RAD51AP1: variants seen among roughly 807,000 people sequenced by gnomAD.
RAD51AP1 encodes the protein RAD51-associated protein 1.
RAD51AP1 carries 14 observed loss-of-function variants against 34.3 expected under a neutral mutation model. The observed-to-expected ratio is 0.41, with a 90% confidence interval of 0.27 to 0.64. The LOEUF is 0.64. RAD51AP1 is among the 30% of genes least tolerant of loss of function. RAD51AP1 has a pLI of 0.33. For missense variants in RAD51AP1, 348 were observed against 386.9 expected (o/e 0.90, Z 0.84); for synonymous variants, 114 against 129.8 (o/e 0.88, Z 0.83).
rs549994513 is a variant in RAD51AP1 at position 4,558,226 on chromosome 12, T to C, written c.872-631T>C. Among the ~76,000 whole-genome samples, 6 of 152,318 alleles carry C rather than the reference T, an allele frequency of 3.9e-5. No homozygotes were observed. The East Asian group carries it at 9.6e-4, about 24-fold the overall frequency. Reference sequence around the variant, plus strand: ...TGTAAATTAAAATAAAATACTATTTTATACCTTTCAAACTAGAAAACAATA... The same window carrying C: ...TGTAAATTAAAATAAAATACTATTTCATACCTTTCAAACTAGAAAACAATA... On this transcript the variant is annotated intron_variant, in intron 8 of 8. Transcript: ENST00000352618.
At chr12:4,554,410 A>T (rs1944568459) in intron 7 of RAD51AP1, among the ~76,000 whole-genome samples, 1 of 152,226 alleles carries the variant, frequency 6.6e-6, no homozygotes, top group African/African-American at 2.4e-5. Flanking sequence ...TCCCTTTGCC[A>T]TGTAAGGTAA....
chr12:4,558,433 A>G (rs1944597699), intron 8 of RAD51AP1, among the ~76,000 whole-genome samples: 1 of 152,238 alleles, frequency 6.6e-6, no homozygotes, highest in South Asian at 2.1e-4. Flanking sequence ...GTATAAATAA[A>G]TAACAATATT....
intron 6 of RAD51AP1, among the ~76,000 whole-genome samples, chr12:4,549,167 C>T (rs921530789): frequency 3.3e-5 from 5 of 152,080 alleles, no homozygotes; most frequent in Non-Finnish European, 5.9e-5. Context: ...GGAAGAGGCT[C>T]GAGAGGGAGG....
Position 4,556,389 on chromosome 12 carries a change from C to T in RAD51AP1, c.758C>T (p.Ser253Leu), listed in dbSNP as rs754110033. The change falls in exon 8 of 9, where the codon TCA becomes TTA. Residue 253 changes from serine to leucine, a missense_variant. Ser to Leu is a moderately radical substitution (Grantham distance 145). Transcript: ENST00000352618. The stretch of plus-strand genomic sequence containing the variant: ...GACTCTGCTCCAGCTGCCGTCAAAT[C>T]AGAATCTCAGTCCTTGCCAAAAAAG... ...SVDSAPAAVK[S>L]ESQSLPKKVS... is the part of the protein sequence containing the mutation. 3 of 1,613,726 alleles carry T rather than the reference C, an allele frequency of 1.9e-6. No homozygotes were observed. Among genetic ancestry groups the T allele is most frequent in the Admixed American group, 1.7e-5 (1 of 59,980 alleles).
At chr12:4,539,867 G>A (rs945870491) in intron 1 of RAD51AP1, among the ~76,000 whole-genome samples, 2 of 152,190 alleles carry the variant, frequency 1.3e-5, no homozygotes, top group African/African-American at 4.8e-5. Context: ...AAGTCAATGG[G>A]AAGTCAGTGG....
At chr12:4,541,839 G>T in intron 1 of RAD51AP1, 45 bp from the exon 2 acceptor site, 1 of 1,059,528 alleles carries the variant, frequency 9.4e-7, no homozygotes, top group Admixed American at 2.5e-5. Context: ...ATAGTGGTGA[G>T]AAATTGACAT....
chr12:4,559,123 C>T lies in RAD51AP1; in HGVS notation c.*130C>T. 2 of 1,124,292 alleles carry T rather than the reference C, an allele frequency of 1.8e-6. No homozygotes were observed. Among genetic ancestry groups the T allele is most frequent in the Non-Finnish European group, 2.5e-6 (2 of 799,658 alleles). 69.6% of individuals were successfully genotyped at this position (1,124,292 alleles called of 1,614,324 possible). A position where few individuals can be genotyped will look rare whatever the true frequency, so the allele number is the denominator to read the frequency against. ...TCCATTACCATGTCCTATAAATGACCTCTAGCCATTTTATGATTATGTTCT... is the reference window on the plus strand; with the variant it reads ...TCCATTACCATGTCCTATAAATGACTTCTAGCCATTTTATGATTATGTTCT... On this transcript the variant is annotated 3_prime_UTR_variant, in exon 9 of 9. Transcript: ENST00000352618.
chr12:4,551,405 G>T (rs140025460), intron 6 of RAD51AP1, among the ~76,000 whole-genome samples: 5,477 of 149,908 alleles, frequency 0.037, 328 homozygotes, highest in African/African-American at 0.13. Context: ...TGAAGCAGGA[G>T]AATTGCTTGA....
At chr12:4,547,339 C>T (rs1944513771) in intron 4 of RAD51AP1, among the ~76,000 whole-genome samples, 2 of 152,328 alleles carry the variant, frequency 1.3e-5, no homozygotes, top group Middle Eastern at 3.4e-3. Context: ...GCTGGGATTA[C>T]AGGCGAGAGC....
In RAD51AP1 at chr12:4,543,890, A is replaced by G. The variant is rs1421398806; in HGVS notation, c.195A>G (p.Lys65=). Residue 65 remains lysine (K), a synonymous_variant, in exon 3 of 9, where the codon AAA becomes AAG. Transcript: ENST00000352618. The stretch of plus-strand genomic sequence containing the variant: ...AAGAAGAAATCCCAGTACAAGAGAA[A>G]ACCCCTAAAAAAAGGTGAGAGGTAA... ...LRKEEIPVQE[K]TPKKRMALDD... is the part of the protein sequence containing the mutation. 6.2e-7 allele frequency: 1 copy of G among 1,608,628 alleles called. No homozygotes were observed. Among genetic ancestry groups the G allele is most frequent in the East Asian group, 2.2e-5 (1 of 44,724 alleles).
At chr12:4,550,983 G>A (rs911067118) in intron 6 of RAD51AP1, among the ~76,000 whole-genome samples, 1 of 152,300 alleles carries the variant, frequency 6.6e-6, no homozygotes, top group African/African-American at 2.4e-5. Context: ...TCAATGGAAG[G>A]TTGATAAGGA....
intron 3 of RAD51AP1, chr12:4,545,929 C>G: frequency 7.1e-7 from 1 of 1,403,100 alleles, no homozygotes; most frequent in Non-Finnish European, 9.9e-7. Flanking sequence ...GCTATAAAAT[C>G]TGCTAAAGGG....
intron 1 of RAD51AP1, among the ~76,000 whole-genome samples, chr12:4,541,563 A>AT (rs1944466777): frequency 6.6e-6 from 1 of 152,122 alleles, no homozygotes; most frequent in South Asian, 2.1e-4. Context: ...AGTTACCTGA[A>AT]TTTTTTTCCT....
intron 7 of RAD51AP1, among the ~76,000 whole-genome samples, chr12:4,556,065 A>G (rs903042511): frequency 2.6e-5 from 4 of 152,190 alleles, no homozygotes; most frequent in African/African-American, 7.2e-5. Context: ...GTCAGACTAC[A>G]GGCAGATTGC....
Position 4,553,246 on chromosome 12 carries a change from C to A in RAD51AP1, c.721+99C>A, listed in dbSNP as rs974844148. Reference sequence around the variant, plus strand: ...TGCCTTTGTTCTCTTTAACATTTTCCTAACGTCCATTTCTTGTTAAAATAT... The same window carrying A: ...TGCCTTTGTTCTCTTTAACATTTTCATAACGTCCATTTCTTGTTAAAATAT... On this transcript the variant is annotated intron_variant, in intron 7 of 8. Transcript: ENST00000352618. The A allele has an allele frequency of 3.8e-6, 4 of 1,053,300 alleles. No individual in the cohort carries two copies. In the African/African-American group the frequency reaches 6.6e-5, roughly 17 times the overall value. The allele number at this position is 1,053,300 out of a possible 1,614,324, so 65.2% of individuals were successfully genotyped here.
At chr12:4,552,275 A>C (rs1944552185) in intron 6 of RAD51AP1, among the ~76,000 whole-genome samples, 1 of 152,256 alleles carries the variant, frequency 6.6e-6, no homozygotes, top group Non-Finnish European at 1.5e-5. Context: ...AAAAATAGAA[A>C]GATCATTGCT....
At chr12:4,547,386 A>G (rs1330556027) in intron 4 of RAD51AP1, among the ~76,000 whole-genome samples, 3 of 152,226 alleles carry the variant, frequency 2.0e-5, no homozygotes, top group African/African-American at 7.2e-5. Flanking sequence ...AAAAGAAATG[A>G]AAGTTTGATT....
chr12:4,558,955 C>T lies in RAD51AP1; in HGVS notation c.970C>T (p.Arg324Ter), dbSNP rs138038057. The T allele has an allele frequency of 4.3e-6, 7 of 1,613,926 alleles. No homozygotes were observed. The highest frequency in any genetic ancestry group is 1.6e-4 in the Middle Eastern group (1 of 6,084). ...CCGCCTTGGCTTGTCCAGATTAGCACGAGTTAAACCTTTGCATCCAAATGC... is the reference window on the plus strand; with the variant it reads ...CCGCCTTGGCTTGTCCAGATTAGCATGAGTTAAACCTTTGCATCCAAATGC... The part of the protein sequence containing the change: ...SLRLGLSRLA[R>*]VKPLHPNATS... The change falls in exon 9 of 9, where the codon CGA becomes TGA. Residue 324 changes from arginine to a stop codon, truncating the protein, a stop_gained. Transcript: ENST00000352618. LOFTEE classifies it high-confidence loss of function.
chr12:4,548,645 G>T, intron 5 of RAD51AP1, 42 bp from the exon 6 acceptor site: 1 of 1,592,190 alleles, frequency 6.3e-7, no homozygotes, highest in Admixed American at 1.7e-5. Context: ...AATATCAGTT[G>T]TCACAGAAAG....
Sources: allele counts gnomAD v4.1 joint callset (sites outside exome capture counted in the v4.1 genomes callset), GRCh38; gene constraint gnomAD v4.1.1; transcripts MANE v1.5; gene names NCBI Gene and HGNC (gene_info 2026-07-23, HGNC 2026-07-21).